NAALADL2: variants seen among roughly 807,000 people sequenced by gnomAD.
The protein encoded by NAALADL2 is inactive N-acetylated-alpha-linked acidic dipeptidase-like protein 2.
In NAALADL2, 76 loss-of-function variants were observed where a neutral mutation model predicts 87.2. The observed-to-expected ratio is 0.87, with a 90% confidence interval of 0.72 to 1.05. The LOEUF is 1.05. Ranked by LOEUF, NAALADL2 falls within the 50% of genes least tolerant of loss-of-function variation. The probability of loss-of-function intolerance (pLI) is 0.00; values close to 1 mark genes in which losing one functional copy is unlikely to be tolerated. For synonymous variants in NAALADL2, 354 were observed against 331.0 expected, an observed-to-expected ratio of 1.07 and a Z score of -0.75; for missense variants, 1,089 against 945.8, an observed-to-expected ratio of 1.15 and a Z score of -1.99.
At chr3:175,339,495 A>G (rs1762366043) in intron 5 of NAALADL2, among the ~76,000 whole-genome samples, 1 of 152,208 alleles carries the variant, frequency 6.6e-6, no homozygotes, top group Non-Finnish European at 1.5e-5. Context: ...TAATTCCACA[A>G]TGAAATACCT....
At chr3:175,410,283 TATGTAC>T (rs966426495) in intron 5 of NAALADL2, among the ~76,000 whole-genome samples, 2 of 151,828 alleles carry the variant, frequency 1.3e-5, no homozygotes, top group Admixed American at 6.6e-5. Flanking sequence ...CTTTTGAAAC[TATGTAC>T]ATACACTATT....
At chr3:174,460,053 T>G (rs1005233006) in intron 1 of NAALADL2, among the ~76,000 whole-genome samples, 1 of 152,088 alleles carries the variant, frequency 6.6e-6, no homozygotes, top group African/African-American at 2.4e-5. Context: ...AATAAATAAT[T>G]CTCAGCAAGA....
At chr3:174,828,934 T>C (rs1162053040) in intron 3 of NAALADL2, among the ~76,000 whole-genome samples, 2 of 152,126 alleles carry the variant, frequency 1.3e-5, no homozygotes, top group Admixed American at 6.5e-5. Context: ...ACTTCAAAAA[T>C]TGTGTATTAT....
At chr3:175,009,818 C>T (rs1467580918) in intron 1 of NAALADL2, among the ~76,000 whole-genome samples, 1 of 152,036 alleles carries the variant, frequency 6.6e-6, no homozygotes, top group Non-Finnish European at 1.5e-5. Flanking sequence ...GGTCTGGTTA[C>T]AACATAAGCA....
chr3:175,103,234 G>A (rs1722540602), intron 2 of NAALADL2, among the ~76,000 whole-genome samples: 1 of 151,776 alleles, frequency 6.6e-6, no homozygotes, highest in Admixed American at 6.6e-5. Context: ...ATAATACATT[G>A]AAATTGATTC....
intron 9 of NAALADL2, among the ~76,000 whole-genome samples, chr3:175,570,559 C>T (rs1415203605): frequency 1.3e-5 from 2 of 152,048 alleles, no homozygotes; most frequent in African/African-American, 4.8e-5. Flanking sequence ...ATTGAACTTA[C>T]AAGACTATAA....
intron 2 of NAALADL2, among the ~76,000 whole-genome samples, chr3:174,555,340 C>T (rs1712641188): frequency 6.6e-6 from 1 of 152,146 alleles, no homozygotes. Flanking sequence ...ACTCTTGTCG[C>T]CCAGCCTGGA....
At chr3:175,098,675 C>T (rs1287635028) in intron 2 of NAALADL2, among the ~76,000 whole-genome samples, 2 of 152,166 alleles carry the variant, frequency 1.3e-5, no homozygotes, top group Non-Finnish European at 2.9e-5. Context: ...GGATCCGCTG[C>T]CTGCAATATA....
At position 175,335,620 on chromosome 3, in the gene NAALADL2, A is replaced by G. The variant is rs1056834540; in HGVS notation, c.1090+11295A>G. 3.9e-5 allele frequency among the ~76,000 whole-genome samples: 6 copies of G among 152,334 alleles called. No homozygotes were observed. The East Asian group carries it at 1.2e-3, about 29-fold the overall frequency. ...AGTTTTTGAATTTTAAGTATGTAAA[A>G]ATAAATCTTGTAATGCCACTTTAAA... On this transcript the variant is annotated intron_variant, in intron 5 of 13. Transcript: ENST00000454872.
chr3:174,733,166 A>C (rs940706932), intron 2 of NAALADL2, among the ~76,000 whole-genome samples: 2 of 152,188 alleles, frequency 1.3e-5, no homozygotes, highest in Non-Finnish European at 2.9e-5. Context: ...TGTGACACTT[A>C]AGTGAGATAA....
intron 1 of NAALADL2, among the ~76,000 whole-genome samples, chr3:175,060,558 T>C (rs1057384470): frequency 1.1e-4 from 16 of 152,376 alleles, no homozygotes; most frequent in African/African-American, 2.9e-4. Context: ...ATGTTGTGTT[T>C]AATTATTAAC....
chr3:174,987,631 T>C (rs1285305356), intron 1 of NAALADL2, among the ~76,000 whole-genome samples: 2 of 144,818 alleles, frequency 1.4e-5, no homozygotes, highest in African/African-American at 2.6e-5. Flanking sequence ...TTAGAATTTA[T>C]TTTTTTTGAA....
chr3:174,670,394 T>C (rs922717393), intron 2 of NAALADL2, among the ~76,000 whole-genome samples: 12 of 152,132 alleles, frequency 7.9e-5, no homozygotes, highest in African/African-American at 2.9e-4. Context: ...ACAAGAGTTT[T>C]ATTGTTGGCT....
In NAALADL2 at chr3:174,714,704, C is replaced by T. The variant is rs368527790; in HGVS notation, c.-114-22937C>T. Among the ~76,000 whole-genome samples the T allele has an allele frequency of 5.2e-4, 79 of 152,228 alleles. 1 individual carries two copies. In the East Asian group the frequency reaches 0.011, roughly 22 times the overall value. ...AGCTTAAGGAGGTTTTGGGCTGAGACGATGGGGTTTTCTAGATATACAATC... is the reference window on the plus strand; with the variant it reads ...AGCTTAAGGAGGTTTTGGGCTGAGATGATGGGGTTTTCTAGATATACAATC... On this transcript the variant is annotated intron_variant, in intron 2 of 3. Coordinates refer to the NAALADL2 transcript ENST00000434257.
chr3:175,780,048 C>G (rs992028600), intron 13 of NAALADL2, among the ~76,000 whole-genome samples: 2 of 151,406 alleles, frequency 1.3e-5, no homozygotes, highest in Non-Finnish European at 2.9e-5. Context: ...GTGGGCAGAT[C>G]ACGAGGTCAG....
chr3:175,019,415 A>G (rs188591043), intron 1 of NAALADL2, among the ~76,000 whole-genome samples: 17 of 152,196 alleles, frequency 1.1e-4, no homozygotes, highest in African/African-American at 3.8e-4. Flanking sequence ...GTCTATTCAT[A>G]GCGGAACTAT....
At chr3:175,098,852 C>G (rs1560024652) in intron 2 of NAALADL2, among the ~76,000 whole-genome samples, 1 of 151,044 alleles carries the variant, frequency 6.6e-6, no homozygotes, top group Non-Finnish European at 1.5e-5. Context: ...GGAAAAGGAT[C>G]CATAGCATTA....
chr3:175,126,856 CTT>C (rs201786673), intron 2 of NAALADL2, among the ~76,000 whole-genome samples: 8,007 of 140,256 alleles, frequency 0.057, 604 homozygotes, highest in African/African-American at 0.18. Context: ...TTCAAGCTAC[CTT>C]TTTTTTTTTT....
intron 1 of NAALADL2, among the ~76,000 whole-genome samples, chr3:174,922,383 A>G (rs1302012742): frequency 6.6e-6 from 1 of 152,074 alleles, no homozygotes; most frequent in African/African-American, 2.4e-5. Context: ...AGACTTGCTT[A>G]AAAGTTGCAA....
Sources: gnomAD v4.1 joint callset for allele counts (sites outside exome capture counted in the v4.1 genomes callset) on GRCh38, gnomAD v4.1.1 for gene constraint, MANE v1.5 for transcripts, NCBI Gene and HGNC (gene_info 2026-07-23, HGNC 2026-07-21) for gene names.